The following MEF2C variants were observed in gnomAD, a reference collection of about 807,000 sequenced individuals.
MEF2C encodes myocyte enhancer factor 2C, also known as myocyte-specific enhancer factor 2C.
Under a neutral mutation model 50.5 loss-of-function variants are expected in MEF2C, and 6 were observed. That is an observed-to-expected ratio of 0.12 (90% CI 0.07 to 0.23). MEF2C has a LOEUF of 0.23. Ranked by LOEUF, MEF2C falls within the 10% of genes least tolerant of loss-of-function variation. MEF2C has a pLI of 1.00. For synonymous variants in MEF2C, 183 were observed against 228.0 expected (o/e 0.80, Z 1.78); for missense variants, 276 against 605.0 (o/e 0.46, Z 5.70).
At chr5:88,747,713 C>T (rs1437485591) in intron 6 of MEF2C, among the ~76,000 whole-genome samples, 2 of 151,950 alleles carry the variant, frequency 1.3e-5, no homozygotes, top group Admixed American at 6.6e-5. Context: ...GCAAGCAAAT[C>T]GGTGCAGTGA....
intron 6 of MEF2C, among the ~76,000 whole-genome samples, chr5:88,747,264 C>T (rs1245460282): frequency 6.7e-6 from 1 of 150,100 alleles, no homozygotes; most frequent in Non-Finnish European, 1.5e-5. Context: ...AGCTATTAAG[C>T]AGTAACAAGC....
intron 6 of MEF2C, chr5:88,740,369 T>C: frequency 1.0e-6 from 1 of 985,194 alleles, no homozygotes; most frequent in South Asian, 4.7e-5. Flanking sequence ...TTTTACTTAT[T>C]ACTAAGTTGT....
chr5:88,772,993 TTAGAGAAAAG>T, intron 3 of MEF2C: 1 of 848,156 alleles, frequency 1.2e-6, no homozygotes, highest in Non-Finnish European at 1.4e-6. Context: ...ATTGTTCTGA[TTAGAGAAAAG>T]TGAAGTATCA....
At chr5:88,781,807 T>A (rs1184854650) in intron 3 of MEF2C, among the ~76,000 whole-genome samples, 1 of 152,094 alleles carries the variant, frequency 6.6e-6, no homozygotes, top group Non-Finnish European at 1.5e-5. Context: ...ACCCCGTATC[T>A]ACTAAAAATA....
At chr5:88,730,423 A>G (rs1439453407) in intron 7 of MEF2C, among the ~76,000 whole-genome samples, 189 bp from the exon 8 acceptor site, 1 of 152,166 alleles carries the variant, frequency 6.6e-6, no homozygotes, top group African/African-American at 2.4e-5. Context: ...GTTTGTCTCA[A>G]ATGTGAAGAC....
intron 10 of MEF2C, among the ~76,000 whole-genome samples, chr5:88,726,189 C>T (rs935039007): frequency 1.3e-5 from 2 of 152,098 alleles, no homozygotes; most frequent in Non-Finnish European, 2.9e-5. Flanking sequence ...TGGTAACCAT[C>T]TTGGGCTGCT....
At chr5:88,799,923 G>GAC (rs1797690117) in intron 3 of MEF2C, among the ~76,000 whole-genome samples, 2 of 132,180 alleles carry the variant, frequency 1.5e-5, no homozygotes, top group East Asian at 2.2e-4. Flanking sequence ...CAGAGAGAGA[G>GAC]ACACACATGT....
At chr5:88,740,617 T>G in intron 6 of MEF2C, 1 of 984,888 alleles carries the variant, frequency 1.0e-6, no homozygotes, top group Non-Finnish European at 1.2e-6. Flanking sequence ...TGTCTGAGAT[T>G]TAGCATGCAT....
chr5:88,820,778 T>C (rs1400178039), intron 2 of MEF2C, among the ~76,000 whole-genome samples: 5 of 152,008 alleles, frequency 3.3e-5, no homozygotes, highest in African/African-American at 2.4e-5. Context: ...CAGTATGATA[T>C]GCTGTTTCGG....
chr5:88,811,644 T>C (rs772752264), intron 2 of MEF2C, among the ~76,000 whole-genome samples: 1 of 152,104 alleles, frequency 6.6e-6, no homozygotes, highest in East Asian at 1.9e-4. Flanking sequence ...TCGCCTCTAA[T>C]TTCCATATTT....
intron 1 of MEF2C, among the ~76,000 whole-genome samples, chr5:88,848,254 T>C (rs1323365975): frequency 4.6e-5 from 7 of 152,182 alleles, no homozygotes; most frequent in Non-Finnish European, 1.0e-4. Context: ...TAATGATCTG[T>C]ATTTGAAAGA....
Position 88,844,655 on chromosome 5 carries a change from A to G in MEF2C, c.-142-20725T>C. 2.7e-6 allele frequency: 2 copies of G among 737,178 alleles called. 1 individual carries two copies. Among genetic ancestry groups the G allele is most frequent in the South Asian group, 1.2e-4 (2 of 16,252 alleles). 45.7% of individuals were successfully genotyped at this position (737,178 alleles called of 1,614,324 possible). On this transcript the variant is annotated intron_variant, in intron 1 of 10. Transcript: ENST00000504921. The stretch of plus-strand genomic sequence containing the variant: ...TAAATCTAACTTTTTCTCTGATTCA[A>G]ATTATATTTCTTAATGCACTTCTAT...
intron 6 of MEF2C, chr5:88,738,020 T>C (rs1327129957): frequency 1.0e-6 from 1 of 985,156 alleles, no homozygotes; most frequent in Non-Finnish European, 1.2e-6. Context: ...CTAGAATACA[T>C]GAGAAATGAT....
intron 1 of MEF2C, among the ~76,000 whole-genome samples, chr5:88,899,975 T>G (rs996803508): frequency 6.6e-6 from 1 of 152,102 alleles, no homozygotes; most frequent in Non-Finnish European, 1.5e-5. Flanking sequence ...TCTCAATATT[T>G]TAAGCTTTAC....
chr5:88,847,709 C>T (rs160042), intron 1 of MEF2C, among the ~76,000 whole-genome samples: 63,328 of 151,582 alleles, frequency 0.42, 15,003 homozygotes, highest in African/African-American at 0.64. Context: ...CTATAAAACA[C>T]ATGTTAAAAA....
chr5:88,845,839 T>A (rs1561310243), intron 1 of MEF2C, among the ~76,000 whole-genome samples: 1 of 152,138 alleles, frequency 6.6e-6, no homozygotes, highest in Non-Finnish European at 1.5e-5. Flanking sequence ...CAAGTGATTC[T>A]CCTGCCTCAG....
intron 1 of MEF2C, chr5:88,880,812 A>G (rs908150409): frequency 2.0e-5 from 3 of 152,024 alleles, no homozygotes; most frequent in Admixed American, 2.0e-4. Flanking sequence ...AATATCTGTG[A>G]TTGCACACTT....
chr5:88,749,238 A>G lies in MEF2C; in HGVS notation c.590-121T>C, dbSNP rs1171880063. Reference sequence around the variant, plus strand: ...AATAGTCATAAACTTGTAAAGTACAACCCAAGTCAGATGGCTGACATTTGT... The same window carrying G: ...AATAGTCATAAACTTGTAAAGTACAGCCCAAGTCAGATGGCTGACATTTGT... On this transcript the variant is annotated intron_variant, in intron 5 of 10. Transcript: ENST00000504921. The G allele has an allele frequency of 3.2e-6, 4 of 1,250,526 alleles. No homozygotes were observed. The African/African-American group carries it at 4.6e-5, about 14-fold the overall frequency. 77.5% of individuals were successfully genotyped at this position (1,250,526 alleles called of 1,614,324 possible).
chr5:88,869,566 C>T (rs1272359407), intron 1 of MEF2C, among the ~76,000 whole-genome samples: 1 of 151,342 alleles, frequency 6.6e-6, no homozygotes, highest in African/African-American at 2.4e-5. Context: ...TATCTATCTG[C>T]ATATGCAGTC....
Sources: gnomAD v4.1 joint callset for allele counts (sites outside exome capture counted in the v4.1 genomes callset) on GRCh38, gnomAD v4.1.1 for gene constraint, MANE v1.5 for transcripts, NCBI Gene and HGNC (gene_info 2026-07-23, HGNC 2026-07-21) for gene names.